Variants in GAS2 observed in about 807,000 individuals in gnomAD.
GAS2 encodes the protein growth arrest-specific protein 2.
In GAS2, 20 loss-of-function variants were observed where a neutral mutation model predicts 37.5. The ratio of observed to expected loss-of-function variants is 0.53; its 90% CI spans 0.37 to 0.77. The LOEUF (loss-of-function observed/expected upper bound fraction) is 0.77. Among genes scored for constraint, GAS2 ranks in the 30% least tolerant of loss-of-function variants. GAS2 has a pLI of 0.00. For synonymous variants in GAS2, 144 were observed against 132.2 expected, an observed-to-expected ratio of 1.09 and a Z score of -0.61; for missense variants, 336 against 373.4, an observed-to-expected ratio of 0.90 and a Z score of 0.82.
intron 3 of GAS2, among the ~76,000 whole-genome samples, chr11:22,696,203 T>C (rs1208142546): frequency 2.6e-5 from 4 of 151,446 alleles, no homozygotes; most frequent in African/African-American, 9.7e-5. Context: ...TTTGGTTTTT[T>C]GTCCTTGCGA....
chr11:22,647,852 A>T (rs1481687249), intron 1 of GAS2, among the ~76,000 whole-genome samples: 1 of 151,726 alleles, frequency 6.6e-6, no homozygotes, highest in Non-Finnish European at 1.5e-5. Context: ...GGTTGCAAAA[A>T]TTTTCTCCCA....
At chr11:22,734,094 C>T (rs1852622328) in intron 4 of GAS2, among the ~76,000 whole-genome samples, 1 of 151,644 alleles carries the variant, frequency 6.6e-6, no homozygotes, top group African/African-American at 2.4e-5. Context: ...ATGATAGTTG[C>T]CTGTCTAATT....
At chr11:22,803,196 G>C (rs1174111859) in intron 7 of GAS2, among the ~76,000 whole-genome samples, 2 of 152,064 alleles carry the variant, frequency 1.3e-5, no homozygotes, top group Non-Finnish European at 2.9e-5. Flanking sequence ...TAAAAAACCA[G>C]TGAGATATAC....
At chr11:22,750,619 T>C in intron 6 of GAS2, among the ~76,000 whole-genome samples, 1 of 152,084 alleles carries the variant, frequency 6.6e-6, no homozygotes, top group East Asian at 1.9e-4. Context: ...TTGCTTTTCA[T>C]AGGATTTCAC....
rs578078052 is a variant in GAS2 at position 22,694,974 on chromosome 11, C to T, written c.267+9185C>T. Among the ~76,000 whole-genome samples, 3 of 152,258 alleles carry T rather than the reference C, an allele frequency of 2.0e-5. No homozygotes were observed. In the East Asian group the frequency reaches 5.8e-4, roughly 29 times the overall value. On this transcript the variant is annotated intron_variant, in intron 3 of 7. Coordinates refer to ENST00000454584, the MANE Select transcript of GAS2 (RefSeq NM_001143830.3). ...GGGATGTATCTAAATTCATCCTCAG[C>T]CAGGCTGCAGTATTTTGACGCCTGG...
chr11:22,741,007 T>C (rs1490536911), intron 5 of GAS2, among the ~76,000 whole-genome samples: 1 of 152,212 alleles, frequency 6.6e-6, no homozygotes, highest in East Asian at 1.9e-4. Context: ...TATTTGATTC[T>C]AAACACTTTT....
At chr11:22,717,843 T>C (rs1454266905) in intron 3 of GAS2, among the ~76,000 whole-genome samples, 1 of 151,546 alleles carries the variant, frequency 6.6e-6, no homozygotes, top group African/African-American at 2.4e-5. Flanking sequence ...AAAGAAAATA[T>C]ACAAATGGCC....
intron 3 of GAS2, among the ~76,000 whole-genome samples, chr11:22,686,665 G>A (rs1029686927): frequency 1.3e-5 from 2 of 148,560 alleles, no homozygotes; most frequent in East Asian, 2.0e-4. Flanking sequence ...CGGGAGAATC[G>A]CTTGAACCCA....
intron 1 of GAS2, among the ~76,000 whole-genome samples, chr11:22,659,433 C>A (rs951485901): frequency 1.4e-4 from 21 of 152,302 alleles, no homozygotes; most frequent in African/African-American, 5.1e-4. Flanking sequence ...TCCCTGACCC[C>A]CATCTATCCT....
chr11:22,637,901 T>C (rs566995709), intron 1 of GAS2, among the ~76,000 whole-genome samples: 80 of 151,348 alleles, frequency 5.3e-4, no homozygotes, highest in African/African-American at 1.7e-3. Context: ...AAATAAAAAT[T>C]GGATTAAGAC....
chr11:22,650,119 C>G (rs1848755782), intron 1 of GAS2, among the ~76,000 whole-genome samples: 3 of 151,768 alleles, frequency 2.0e-5, no homozygotes, highest in Admixed American at 1.3e-4. Context: ...TATGTTGTGT[C>G]TTTTTTCTCG....
chr11:22,742,889 A>G (rs539300402), intron 5 of GAS2, among the ~76,000 whole-genome samples: 15 of 152,216 alleles, frequency 9.9e-5, no homozygotes, highest in Middle Eastern at 3.4e-3. Context: ...ATATTTTCCA[A>G]TTCACCTAAT....
At chr11:22,682,075 G>A (rs990915436) in intron 2 of GAS2, among the ~76,000 whole-genome samples, 1 of 151,802 alleles carries the variant, frequency 6.6e-6, no homozygotes, top group Non-Finnish European at 1.5e-5. Flanking sequence ...TATAAAGTAT[G>A]TAATAGTCTG....
intron 7 of GAS2, among the ~76,000 whole-genome samples, chr11:22,779,919 G>A (rs7941772): frequency 0.55 from 84,159 of 151,854 alleles, 23,768 homozygotes; most frequent in South Asian, 0.7. Flanking sequence ...CTGATCCCAA[G>A]CACCCTGTAA....
chr11:22,685,991 C>T (rs935047584), intron 3 of GAS2, among the ~76,000 whole-genome samples: 3 of 151,996 alleles, frequency 2.0e-5, no homozygotes, highest in Non-Finnish European at 2.9e-5. Context: ...TTTGGTGAAT[C>T]TAATTAAATA....
chr11:22,705,396 C>G (rs1851063857), intron 3 of GAS2, among the ~76,000 whole-genome samples: 2 of 152,070 alleles, frequency 1.3e-5, no homozygotes, highest in Non-Finnish European at 2.9e-5. Context: ...CTTCCCTGAC[C>G]AACCTATATA....
intron 1 of GAS2, among the ~76,000 whole-genome samples, chr11:22,641,323 T>TTTATATATAC (rs1848627089): frequency 4.2e-5 from 1 of 23,902 alleles, no homozygotes; most frequent in Non-Finnish European, 4.9e-4. Context: ...TTTATATATC[T>TTTATATATAC]TTATATATAT....
intron 1 of GAS2, among the ~76,000 whole-genome samples, chr11:22,643,596 A>G (rs960872271): frequency 2.5e-4 from 38 of 152,130 alleles, no homozygotes; most frequent in African/African-American, 8.9e-4. Context: ...TAATAAATGG[A>G]AAGAACTTAC....
chr11:22,695,481 G>A (rs1190373474), intron 3 of GAS2, among the ~76,000 whole-genome samples: 2 of 152,102 alleles, frequency 1.3e-5, no homozygotes, highest in Non-Finnish European at 2.9e-5. Flanking sequence ...TGTTTCCTGG[G>A]AGGGTATGCT....
Sources: allele counts gnomAD v4.1 joint callset (sites outside exome capture counted in the v4.1 genomes callset), GRCh38; gene constraint gnomAD v4.1.1; transcripts MANE v1.5; gene names NCBI Gene and HGNC (gene_info 2026-07-23, HGNC 2026-07-21).